The following SLC71A1 variants were observed in gnomAD, a reference collection of about 807,000 sequenced individuals.
SLC71A1 encodes solute carrier family 71 member 1.
At chr1:100,045,430 A>G in the SLC71A1 span, among the ~76,000 whole-genome samples, 1 of 152,170 alleles carries the variant, frequency 6.6e-6, no homozygotes, top group Admixed American at 6.5e-5. Flanking sequence ...ATACAGTCAT[A>G]TCATTGGCAA....
chr1:100,058,762 T>G, the SLC71A1 span: 2 of 1,112,968 alleles, frequency 1.8e-6, no homozygotes, highest in East Asian at 2.4e-5. Flanking sequence ...TGTGTATATA[T>G]ACATACATAC....
At chr1:100,061,760 T>A in the SLC71A1 span, 1 of 948,244 alleles carries the variant, frequency 1.1e-6, no homozygotes, top group Non-Finnish European at 1.7e-6. Context: ...TTACGCTTAA[T>A]TAACTTATAA....
At chr1:100,046,225 T>TTG in the SLC71A1 span, among the ~76,000 whole-genome samples, 1 of 103,814 alleles carries the variant, frequency 9.6e-6, no homozygotes, top group Non-Finnish European at 2.0e-5. Context: ...TTTTTTTTTT[T>TTG]TTTTTTTTTT....
the SLC71A1 span, among the ~76,000 whole-genome samples, chr1:100,040,686 T>G: frequency 0.031 from 4,759 of 152,252 alleles, 277 homozygotes; most frequent in African/African-American, 0.11. Context: ...GGTCTTGAAC[T>G]CCTGACCTCA....
the SLC71A1 span, among the ~76,000 whole-genome samples, chr1:100,064,497 C>T: frequency 3.3e-5 from 5 of 152,286 alleles, no homozygotes; most frequent in East Asian, 1.9e-4. Context: ...TTCCATCAGC[C>T]CAAAATGTTC....
the SLC71A1 span, among the ~76,000 whole-genome samples, chr1:100,052,708 G>T: frequency 2.0e-5 from 3 of 151,688 alleles, no homozygotes; most frequent in African/African-American, 7.3e-5. Flanking sequence ...GGGATTACAG[G>T]TGTGAGCCAC....
the SLC71A1 span, among the ~76,000 whole-genome samples, chr1:100,067,179 AT>A: frequency 6.6e-6 from 1 of 151,908 alleles, no homozygotes; most frequent in Non-Finnish European, 1.5e-5. Context: ...TGCCAGTAGG[AT>A]TTATTGGAAC....
At chr1:100,068,618 C>T in the SLC71A1 span, 14 of 1,171,036 alleles carry the variant, frequency 1.2e-5, no homozygotes, top group Admixed American at 1.8e-4. Flanking sequence ...GTGGACTTTT[C>T]TTTCATTGTC....
the SLC71A1 span, among the ~76,000 whole-genome samples, chr1:100,043,654 A>G: frequency 1.3e-5 from 2 of 152,196 alleles, no homozygotes; most frequent in African/African-American, 4.8e-5. Flanking sequence ...CTGAGATTTT[A>G]GTGCACCTGT....
At chr1:100,038,454 G>C in the SLC71A1 span, 1 of 731,810 alleles carries the variant, frequency 1.4e-6, no homozygotes, top group Admixed American at 2.3e-5. Flanking sequence ...GGTGCCTCGG[G>C]GTCGCGGACC....
At chr1:100,038,221 G>A in the SLC71A1 span, 13 of 1,552,986 alleles carry the variant, frequency 8.4e-6, no homozygotes, top group Non-Finnish European at 1.1e-5. Flanking sequence ...GCCAGGAATC[G>A]AGGATGGTAA....
the SLC71A1 span, chr1:100,042,986 A>G: frequency 8.2e-6 from 4 of 489,288 alleles, no homozygotes; most frequent in Non-Finnish European, 1.1e-5. Flanking sequence ...CAGCATCATT[A>G]ATTACTTAGC....
the SLC71A1 span, among the ~76,000 whole-genome samples, chr1:100,051,441 T>TA: frequency 6.8e-6 from 1 of 147,624 alleles, no homozygotes; most frequent in Non-Finnish European, 1.5e-5. Flanking sequence ...AGTATTGCTA[T>TA]AAAAAAATAT....
At chr1:100,079,393 T>A in the SLC71A1 span, 2 of 152,024 alleles carry the variant, frequency 1.3e-5, no homozygotes, top group Admixed American at 6.5e-5. Context: ...ATTTAATTCT[T>A]GGGATGCTAA....
the SLC71A1 span, among the ~76,000 whole-genome samples, chr1:100,054,042 T>C: frequency 8.0e-6 from 1 of 124,300 alleles, no homozygotes; most frequent in African/African-American, 3.1e-5. Flanking sequence ...TTTTCTTTCC[T>C]TTTTTTTTTT....
At chr1:100,050,108 C>G in the SLC71A1 span, 1 of 671,064 alleles carries the variant, frequency 1.5e-6, no homozygotes, top group Non-Finnish European at 2.6e-6. Flanking sequence ...AATTCTCCCA[C>G]CAGTATTGTT....
At chr1:100,046,081 G>C in the SLC71A1 span, among the ~76,000 whole-genome samples, 2 of 151,856 alleles carry the variant, frequency 1.3e-5, no homozygotes, top group Non-Finnish European at 2.9e-5. Context: ...GTAAATGCAT[G>C]GATTTATTTC....
the SLC71A1 span, among the ~76,000 whole-genome samples, chr1:100,066,281 G>C: frequency 6.6e-6 from 1 of 152,094 alleles, no homozygotes; most frequent in African/African-American, 2.4e-5. Flanking sequence ...CTTTATTTCA[G>C]CTAGCCCTTC....
the SLC71A1 span, chr1:100,080,315 C>T: frequency 1.8e-6 from 1 of 554,728 alleles, no homozygotes; most frequent in Non-Finnish European, 3.2e-6. Context: ...GGACAGCTTA[C>T]TACACTTTGT....
Sources: gnomAD v4.1 joint callset for allele counts (sites outside exome capture counted in the v4.1 genomes callset) on GRCh38, gnomAD v4.1.1 for gene constraint, MANE v1.5 for transcripts, NCBI Gene and HGNC (gene_info 2026-07-23, HGNC 2026-07-21) for gene names.